Variants in SMC1A observed in about 807,000 individuals in gnomAD.
SMC1A encodes structural maintenance of chromosomes protein 1A.
A neutral mutation model predicts 94.5 loss-of-function variants in SMC1A; 4 were observed. The observed-to-expected ratio is 0.04, with a 90% CI of 0.02 to 0.10. The LOEUF (loss-of-function observed/expected upper bound fraction) is 0.10. SMC1A is among the 10% of genes least tolerant of loss of function. The pLI is 1.00. For missense variants in SMC1A, 304 were observed against 989.0 expected, an observed-to-expected ratio of 0.31 and a Z score of 9.29; for synonymous variants, 345 against 347.7, an observed-to-expected ratio of 0.99 and a Z score of 0.09.
chrX:53,410,735 A>T (rs1036484826), intron 7 of SMC1A, among the ~76,000 whole-genome samples: 6 of 106,377 alleles, frequency 5.6e-5, no homozygotes, highest in South Asian at 8.6e-4. Context: ...TGGGAGACAG[A>T]GGTTGTAGTG....
chrX:53,414,845 G>A lies in SMC1A; in HGVS notation c.324C>T (p.Asn108=). 8.3e-7 allele frequency: 1 copy of A among 1,206,481 alleles called. No individual in the cohort carries two copies. Among genetic ancestry groups the A allele is most frequent in the South Asian group, 1.8e-5 (1 of 56,853 alleles). Reference sequence around the variant, plus strand: ...ACTCATGTAGTTGGACCACTTTGTTGTTGATCTTGTACTCAGAAGAACCTC... The same window carrying A: ...ACTCATGTAGTTGGACCACTTTGTTATTGATCTTGTACTCAGAAGAACCTC... ...IVGGSSEYKI[N]NKVVQLHEYS... Residue 108 remains asparagine, a synonymous_variant, in exon 3 of 25, where the codon AAC becomes AAT. Coordinates refer to ENST00000322213, the MANE Select transcript of SMC1A (RefSeq NM_006306.4).
intron 19 of SMC1A, among the ~76,000 whole-genome samples, chrX:53,385,466 G>A (rs2075601261): frequency 9.3e-6 from 1 of 108,000 alleles, no homozygotes; most frequent in Admixed American, 1.0e-4. Context: ...AGTAGAGACG[G>A]GGTTTCACCG....
At position 53,384,200 on chromosome X, in the gene SMC1A, T is replaced by C. The variant is rs112387240; in HGVS notation, c.2974-947A>G. On this transcript the variant is annotated intron_variant, in intron 19 of 24. Coordinates refer to ENST00000322213, the MANE Select transcript of SMC1A (RefSeq NM_006306.4). ...AAATTAAGGTAGGCTTCCAGGAATATGTTTAAGCTAAGGACTACAGGATGA... is the reference window on the plus strand; with the variant it reads ...AAATTAAGGTAGGCTTCCAGGAATACGTTTAAGCTAAGGACTACAGGATGA... Among the ~76,000 whole-genome samples, 892 of 110,904 alleles carry C rather than the reference T, an allele frequency of 8.0e-3. 8 individuals are homozygous for C. The highest frequency in any genetic ancestry group is 0.029 in the African/African-American group (870 of 30,465).
At chrX:53,409,296 A>T in intron 8 of SMC1A, 27 bp from the exon 9 acceptor site, 1 of 1,191,928 alleles carries the variant, frequency 8.4e-7, no homozygotes, top group Non-Finnish European at 1.1e-6. Context: ...CACAGGAGTT[A>T]CTCCTGCTGG....
chrX:53,419,518 C>G (rs1556891753), intron 1 of SMC1A, among the ~76,000 whole-genome samples: 2 of 104,953 alleles, frequency 1.9e-5, no homozygotes, highest in Admixed American at 1.0e-4. Flanking sequence ...CAGAGCAAGA[C>G]CCTGACTCCA....
At chrX:53,400,748 G>A (rs1456397764) in intron 15 of SMC1A, among the ~76,000 whole-genome samples, 2 of 111,755 alleles carry the variant, frequency 1.8e-5, no homozygotes, top group Non-Finnish European at 3.8e-5. Context: ...AGGCCAGGCA[G>A]GACTAACTTC....
chrX:53,384,264 CT>C (rs781943811), intron 19 of SMC1A, among the ~76,000 whole-genome samples: 185 of 95,689 alleles, frequency 1.9e-3, no homozygotes, highest in Middle Eastern at 5.3e-3. Context: ...CCTTTTTAGA[CT>C]TTTTTTTTTT....
chrX:53,399,982 T>C (rs976574833), intron 15 of SMC1A, among the ~76,000 whole-genome samples: 1 of 111,247 alleles, frequency 9.0e-6, no homozygotes, highest in African/African-American at 3.3e-5. Flanking sequence ...CCAAACCTTA[T>C]TTATCCCCCT....
intron 19 of SMC1A, among the ~76,000 whole-genome samples, chrX:53,393,511 T>C (rs1556887568): frequency 8.9e-6 from 1 of 111,792 alleles, no homozygotes; most frequent in African/African-American, 3.2e-5. Flanking sequence ...GGAGTTATTG[T>C]TAAATATTTT....
chrX:53,405,927 G>A lies in SMC1A; in HGVS notation c.1575C>T (p.Pro525=). Reference sequence around the variant, plus strand: ...CAGCAATCTGATACTTCTTTTGTGTGGGCTGGCATAGGTCAATGAGGCGGC... The same window carrying A: ...CAGCAATCTGATACTTCTTTTGTGTAGGCTGGCATAGGTCAATGAGGCGGC... ...VYGRLIDLCQ[P]TQKKYQIAVT... Residue 525 remains proline, a synonymous_variant, in exon 10 of 25, where the codon CCC becomes CCT. Transcript: ENST00000322213. The A allele has an allele frequency of 8.3e-7, 1 of 1,211,681 alleles. No homozygotes were observed. The highest frequency in any genetic ancestry group is 1.1e-6 in the Non-Finnish European group (1 of 895,406).
intron 1 of SMC1A, among the ~76,000 whole-genome samples, chrX:53,420,655 A>G (rs1006103708): frequency 3.2e-4 from 36 of 112,104 alleles, no homozygotes; most frequent in African/African-American, 1.2e-3. Flanking sequence ...CCCTCATCAC[A>G]GCAGGACTAG....
intron 14 of SMC1A, 46 bp from the exon 15 acceptor site, chrX:53,403,718 T>C (rs782238902): frequency 1.1e-5 from 13 of 1,179,243 alleles, no homozygotes; most frequent in Non-Finnish European, 1.5e-5. Context: ...TAGTCTGTCC[T>C]GCTTCCAGTC....
chrX:53,408,510 T>A (rs1556890043), intron 9 of SMC1A, among the ~76,000 whole-genome samples: 1 of 111,714 alleles, frequency 9.0e-6, no homozygotes, highest in African/African-American at 3.3e-5. Flanking sequence ...CCAAACTAAG[T>A]TGAACCCAGG....
chrX:53,411,743 C>A lies in SMC1A; in HGVS notation c.1254+18G>T. ...TTTTCTGTGGACCATCATCCCTAAT[C>A]TTATAACTATAGCCCACCTCTGTCT... On this transcript the variant is annotated intron_variant, in intron 7 of 24. Coordinates refer to ENST00000322213, the MANE Select transcript of SMC1A (RefSeq NM_006306.4). The A allele has an allele frequency of 8.3e-7, 1 of 1,209,313 alleles. No homozygotes were observed. Among genetic ancestry groups the A allele is most frequent in the Non-Finnish European group, 1.1e-6 (1 of 893,230 alleles).
At position 53,380,748 on chromosome X, in the gene SMC1A, A is replaced by G. The variant is rs1400670141; in HGVS notation, c.3508-18T>C. Reference sequence around the variant, plus strand: ...TTTGCCACCTGTGGGAAAGGCCGCCAGGCACTTAGCAAGGCTCAAACCTTA... The same window carrying G: ...TTTGCCACCTGTGGGAAAGGCCGCCGGGCACTTAGCAAGGCTCAAACCTTA... On this transcript the variant is annotated intron_variant, in intron 23 of 24. Transcript: ENST00000322213. The G allele has an allele frequency of 5.4e-6, 6 of 1,103,175 alleles. No individual in the cohort carries two copies. In the Admixed American group the frequency reaches 6.6e-5, roughly 12 times the overall value. 90.9% of individuals were successfully genotyped at this position (1,103,175 alleles called of 1,213,427 possible).
intron 16 of SMC1A, among the ~76,000 whole-genome samples, chrX:53,398,912 G>A (rs2075661273): frequency 1.8e-5 from 2 of 111,393 alleles, no homozygotes; most frequent in Admixed American, 9.7e-5. Context: ...GCATTGTGAA[G>A]CTTCTTGAAG....
chrX:53,399,024 G>A (rs925222914), intron 16 of SMC1A, among the ~76,000 whole-genome samples: 1 of 111,170 alleles, frequency 9.0e-6, no homozygotes, highest in Non-Finnish European at 1.9e-5. Flanking sequence ...TGGATCATGA[G>A]GTCAGGAGTT....
At chrX:53,403,500 T>C in intron 15 of SMC1A, 66 bp downstream of exon 15, 1 of 895,419 alleles carries the variant, frequency 1.1e-6, no homozygotes, top group Non-Finnish European at 1.6e-6. Flanking sequence ...AGCATCTGGT[T>C]TTCCAAGGAT....
intron 13 of SMC1A, 55 bp from the exon 14 acceptor site, chrX:53,403,948 T>C: frequency 1.2e-6 from 1 of 858,068 alleles, no homozygotes; most frequent in Non-Finnish European, 1.7e-6. Flanking sequence ...GAGAAAAAGC[T>C]ACCTTGACTG....
Sources: gnomAD v4.1 joint callset for allele counts (sites outside exome capture counted in the v4.1 genomes callset) on GRCh38, gnomAD v4.1.1 for gene constraint, MANE v1.5 for transcripts, NCBI Gene and HGNC (gene_info 2026-07-23, HGNC 2026-07-21) for gene names.